The following DNAH11 variants were observed in gnomAD, a reference collection of about 807,000 sequenced individuals.
DNAH11 encodes axonemal beta dynein heavy chain 11.
DNAH11 carries 442 observed loss-of-function variants against 526.0 expected under a neutral mutation model. The ratio of observed to expected loss-of-function variants is 0.84; its 90% CI spans 0.78 to 0.91. DNAH11 has a LOEUF of 0.91. Ranked by LOEUF, DNAH11 falls within the 40% of genes least tolerant of loss-of-function variation. The pLI, the probability that DNAH11 is intolerant of heterozygous loss-of-function variation, is 0.00. For missense variants in DNAH11, 6,989 were observed against 5,448.7 expected, an observed-to-expected ratio of 1.28 and a Z score of -8.90; for synonymous variants, 2,461 against 1,935.9, an observed-to-expected ratio of 1.27 and a Z score of -7.12.
In DNAH11 at chr7:21,864,667, G is replaced by A. The variant is rs1299015590; in HGVS notation, c.11496+10G>A. On this transcript the variant is annotated intron_variant, in intron 70 of 81. Transcript: ENST00000409508. The stretch of plus-strand genomic sequence containing the variant: ...ATGGAGTGCTATCAAGGTATGTTAG[G>A]AATACAGTTTCTCAAATTCTGGATC... The A allele has an allele frequency of 4.5e-6, 7 of 1,562,408 alleles. No homozygotes were observed. The highest frequency in any genetic ancestry group is 6.1e-6 in the Non-Finnish European group (7 of 1,156,292).
intron 23 of DNAH11, 70 bp from the exon 24 acceptor site, chr7:21,619,030 C>T: frequency 6.3e-7 from 1 of 1,592,046 alleles, no homozygotes; most frequent in South Asian, 1.1e-5. Context: ...ATTCATTTCA[C>T]CAGCCTTTAG....
intron 9 of DNAH11, among the ~76,000 whole-genome samples, chr7:21,583,299 G>A (rs1383986537): frequency 1.3e-5 from 2 of 151,896 alleles, no homozygotes; most frequent in African/African-American, 4.8e-5. Context: ...CTACAACCAT[G>A]TGATCTTTGA....
rs558696171 is a variant in DNAH11, at chr7:21,727,821, G to A, written c.7440+1837G>A. 2.0e-5 allele frequency among the ~76,000 whole-genome samples: 3 copies of A among 152,276 alleles called. No homozygotes were observed. In the South Asian group the frequency reaches 6.2e-4, roughly 32 times the overall value. ...CAGGTGGCACAAACAATAAAAACGT[G>A]TTTTTCTCAAAGTTCTAGAGGCTAG... On this transcript the variant is annotated intron_variant, in intron 45 of 81. Transcript: ENST00000409508.
At chr7:21,730,624 T>G (rs1785336867) in intron 45 of DNAH11, among the ~76,000 whole-genome samples, 1 of 152,166 alleles carries the variant, frequency 6.6e-6, no homozygotes, top group African/African-American at 2.4e-5. Context: ...TTTCACTGAC[T>G]TGTGAAATTT....
At chr7:21,752,144 C>T (rs943549138) in intron 54 of DNAH11, among the ~76,000 whole-genome samples, 2 of 152,222 alleles carry the variant, frequency 1.3e-5, no homozygotes, top group African/African-American at 2.4e-5. Context: ...ATTTAAGAGC[C>T]ATTGTTATAA....
At chr7:21,789,815 TC>T (rs57765863) in intron 61 of DNAH11, among the ~76,000 whole-genome samples, 937 of 78,104 alleles carry the variant, frequency 0.012, 3 homozygotes, top group Middle Eastern at 0.036. Flanking sequence ...CTTTTTTCTT[TC>T]TTTCTTTCTT....
rs578249356 is a variant in DNAH11, at chr7:21,873,511, C to G, written c.12195+10C>G. ...GTACAACTTTGATCAGGTAAGAAAG[C>G]GAAGCAGGCTAGGCAGACAATGAAG... On this transcript the variant is annotated intron_variant, in intron 74 of 81. Transcript: ENST00000409508. 1.9e-6 allele frequency: 3 copies of G among 1,612,438 alleles called. No individual in the cohort carries two copies. The highest frequency in any genetic ancestry group is 2.7e-5 in the African/African-American group (2 of 74,866).
chr7:21,840,446 A>G (rs1034689399), intron 65 of DNAH11, among the ~76,000 whole-genome samples: 1 of 152,182 alleles, frequency 6.6e-6, no homozygotes, highest in African/African-American at 2.4e-5. Context: ...AAGAATCCAA[A>G]ATTTTCATAT....
chr7:21,640,316 C>G (rs904284039), intron 28 of DNAH11, among the ~76,000 whole-genome samples: 5 of 152,110 alleles, frequency 3.3e-5, no homozygotes, highest in Admixed American at 6.5e-5. Context: ...TTCAATAAGC[C>G]CCTGAGGGCA....
intron 25 of DNAH11, among the ~76,000 whole-genome samples, chr7:21,632,120 C>A (rs1234743739): frequency 3.3e-5 from 5 of 152,224 alleles, no homozygotes; most frequent in African/African-American, 1.2e-4. Context: ...GAAGCCACGT[C>A]CCGAGCTCTA....
At chr7:21,883,873 C>T (rs1284306041) in intron 75 of DNAH11, among the ~76,000 whole-genome samples, 1 of 152,106 alleles carries the variant, frequency 6.6e-6, no homozygotes, top group African/African-American at 2.4e-5. Context: ...AGACCCCCAT[C>T]TCTACAAAAT....
chr7:21,855,790 A>G (rs1782822437), intron 68 of DNAH11, among the ~76,000 whole-genome samples: 1 of 152,220 alleles, frequency 6.6e-6, no homozygotes, highest in Non-Finnish European at 1.5e-5. Context: ...TGGACAAAAC[A>G]TAAGGGTGGA....
chr7:21,561,351 T>C, intron 5 of DNAH11, 181 bp downstream of exon 5: 1 of 539,662 alleles, frequency 1.9e-6, no homozygotes, highest in Non-Finnish European at 3.2e-6. Context: ...TAAACTACTT[T>C]TAGTTTATCT....
rs869117425 is a variant in DNAH11, at chr7:21,574,867, C to CTTTTTT, written c.1593+2916_1593+2921dup. On this transcript the variant is annotated intron_variant, in intron 8 of 81. Transcript: ENST00000409508. ...TACAGGCGTGAGCCACTGCACTGGGCTTTTTTTTTTTTTTTTTTTTTTTTT... is the reference window on the plus strand; with the variant it reads ...TACAGGCGTGAGCCACTGCACTGGGCTTTTTTTTTTTTTTTTTTTTTTTTTTTTTTT... Among the ~76,000 whole-genome samples, 18 of 42,862 alleles carry CTTTTTT rather than the reference C, an allele frequency of 4.2e-4. 3 individuals are homozygous for CTTTTTT. In the East Asian group the frequency reaches 7.7e-3, roughly 18 times the overall value. 28.1% of individuals were successfully genotyped at this position (42,862 alleles called of 152,430 possible). A position where few individuals can be genotyped will look rare whatever the true frequency, so the allele number is the denominator to read the frequency against.
chr7:21,629,237 T>C (rs1786488067), intron 25 of DNAH11, among the ~76,000 whole-genome samples: 1 of 152,156 alleles, frequency 6.6e-6, no homozygotes, highest in African/African-American at 2.4e-5. Flanking sequence ...TGTTAGTGAT[T>C]TCTAGTTTTA....
Position 21,744,340 on chromosome 7 carries a change from A to G in DNAH11, c.8155-98A>G, listed in dbSNP as rs1786049120. 9.2e-6 allele frequency: 12 copies of G among 1,299,252 alleles called. No individual in the cohort carries two copies. In the South Asian group the frequency reaches 9.4e-5, roughly 10 times the overall value. 80.5% of individuals were successfully genotyped at this position (1,299,252 alleles called of 1,614,324 possible). ...ACTATTGATGATATTTCTTTTAACCATTTGCTAAGTTCACATTTTAGTTTA... is the reference window on the plus strand; with the variant it reads ...ACTATTGATGATATTTCTTTTAACCGTTTGCTAAGTTCACATTTTAGTTTA... On this transcript the variant is annotated intron_variant, in intron 49 of 81. Coordinates refer to ENST00000409508, the MANE Select transcript of DNAH11 (RefSeq NM_001277115.2).
chr7:21,701,101 C>G (rs1413885310), intron 36 of DNAH11, among the ~76,000 whole-genome samples: 2 of 144,958 alleles, frequency 1.4e-5, no homozygotes, highest in Non-Finnish European at 2.9e-5. Flanking sequence ...GAAACTTAAA[C>G]AACAACAACA....
chr7:21,836,377 G>A (rs150439519), intron 65 of DNAH11, among the ~76,000 whole-genome samples: 3 of 152,042 alleles, frequency 2.0e-5, no homozygotes, highest in Non-Finnish European at 2.9e-5. Flanking sequence ...CACCAAAAGA[G>A]CATGGCACTT....
At chr7:21,827,642 G>A (rs1177626187) in intron 65 of DNAH11, among the ~76,000 whole-genome samples, 1 of 147,904 alleles carries the variant, frequency 6.8e-6, no homozygotes, top group South Asian at 2.1e-4. Flanking sequence ...TTAACTATAT[G>A]ATTTAAAAAA....
Sources: allele counts gnomAD v4.1 joint callset (sites outside exome capture counted in the v4.1 genomes callset), GRCh38; gene constraint gnomAD v4.1.1; transcripts MANE v1.5; gene names NCBI Gene and HGNC (gene_info 2026-07-23, HGNC 2026-07-21).